The following RALYL variants were observed in gnomAD, a reference collection of about 807,000 sequenced individuals.
RALYL encodes RALY RNA binding protein like, also known as RNA-binding Raly-like protein.
RALYL carries 29 observed loss-of-function variants against 35.1 expected under a neutral mutation model. The ratio of observed to expected loss-of-function variants is 0.83; its 90% CI spans 0.61 to 1.13. The LOEUF (loss-of-function observed/expected upper bound fraction) is 1.13. Among genes scored for constraint, RALYL ranks in the 50% most tolerant of loss-of-function variants. The pLI is 0.00. For missense variants in RALYL, 359 were observed against 360.4 expected, an observed-to-expected ratio of 1.00 and a Z score of 0.03; for synonymous variants, 120 against 127.6, an observed-to-expected ratio of 0.94 and a Z score of 0.40.
intron 2 of RALYL, among the ~76,000 whole-genome samples, chr8:84,577,344 C>T (rs1218828350): frequency 2.0e-5 from 3 of 152,180 alleles, no homozygotes; most frequent in Non-Finnish European, 4.4e-5. Context: ...AGCTCTGTAG[C>T]AGCGTGGCAG....
intron 1 of RALYL, among the ~76,000 whole-genome samples, chr8:84,298,135 C>G (rs2132320543): frequency 6.6e-6 from 1 of 151,816 alleles, no homozygotes; most frequent in East Asian, 1.9e-4. Context: ...GTGGTATTTC[C>G]TAGTTTTCTT....
Position 84,477,208 on chromosome 8 carries a change from CT to C in RALYL, c.-23-52090del, listed in dbSNP as rs558177648. 6.6e-5 allele frequency among the ~76,000 whole-genome samples: 10 copies of C among 152,202 alleles called. No individual in the cohort carries two copies. In the South Asian group the frequency reaches 2.1e-3, roughly 32 times the overall value. On this transcript the variant is annotated intron_variant, in intron 1 of 8. Coordinates refer to ENST00000521268, the MANE Select transcript of RALYL (RefSeq NM_173848.7). ...AGCTGTATTCATCATTTTGACTTAA[CT>C]AGCAGATAGCCCTAATTCTTTACAA...
At chr8:84,206,116 G>A (rs574293902) in intron 1 of RALYL, among the ~76,000 whole-genome samples, 23 of 152,264 alleles carry the variant, frequency 1.5e-4, no homozygotes, top group African/African-American at 5.5e-4. Flanking sequence ...GACATATTCT[G>A]GAGTACTGAG....
chr8:84,441,179 T>C (rs550843169), intron 1 of RALYL, among the ~76,000 whole-genome samples: 1 of 152,262 alleles, frequency 6.6e-6, no homozygotes, highest in East Asian at 1.9e-4. Context: ...AATTTGTACA[T>C]TTTCTTTTAA....
chr8:84,747,130 G>A (rs979519026), intron 2 of RALYL, among the ~76,000 whole-genome samples: 2 of 151,820 alleles, frequency 1.3e-5, no homozygotes, highest in African/African-American at 4.8e-5. Flanking sequence ...TGAAGAATAA[G>A]TTGAAGAATC....
At chr8:84,770,980 T>C (rs1815338803) in intron 2 of RALYL, among the ~76,000 whole-genome samples, 1 of 152,320 alleles carries the variant, frequency 6.6e-6, no homozygotes, top group East Asian at 1.9e-4. Context: ...TGTGAAGATT[T>C]TCTCCCACTC....
intron 2 of RALYL, among the ~76,000 whole-genome samples, chr8:84,649,756 T>C (rs1484704669): frequency 1.9e-4 from 29 of 152,106 alleles, no homozygotes; most frequent in South Asian, 6.2e-4. Flanking sequence ...ATTGACTTGG[T>C]GATGTGGGCT....
At chr8:84,338,258 T>C (rs756719565) in intron 1 of RALYL, among the ~76,000 whole-genome samples, 2 of 151,996 alleles carry the variant, frequency 1.3e-5, no homozygotes, top group Non-Finnish European at 2.9e-5. Flanking sequence ...GAGATGAATG[T>C]TAGTCACAGA....
chr8:84,638,456 G>C (rs1395460733), intron 2 of RALYL, among the ~76,000 whole-genome samples: 1 of 151,504 alleles, frequency 6.6e-6, no homozygotes, highest in Non-Finnish European at 1.5e-5. Flanking sequence ...AAATAACCAA[G>C]ATCAGAGAAG....
chr8:84,216,231 A>T (rs1820776919), intron 1 of RALYL, among the ~76,000 whole-genome samples: 1 of 152,044 alleles, frequency 6.6e-6, no homozygotes, highest in South Asian at 2.1e-4. Context: ...TACATTTCAA[A>T]TGTTTTGCAA....
intron 1 of RALYL, among the ~76,000 whole-genome samples, chr8:84,425,598 A>C (rs2046314978): frequency 6.6e-6 from 1 of 152,080 alleles, no homozygotes; most frequent in Non-Finnish European, 1.5e-5. Context: ...ATGAACTCTT[A>C]TACAGCCACT....
chr8:84,722,308 A>C (rs1844074322), intron 2 of RALYL, among the ~76,000 whole-genome samples: 1 of 152,020 alleles, frequency 6.6e-6, no homozygotes. Flanking sequence ...AATTGTTAAA[A>C]GAGCAATGAG....
At chr8:84,201,219 A>T (rs188126321) in intron 1 of RALYL, among the ~76,000 whole-genome samples, 1 of 147,260 alleles carries the variant, frequency 6.8e-6, no homozygotes, top group Non-Finnish European at 1.5e-5. Context: ...ATAGAAAGAA[A>T]TACTTCAAAT....
Position 84,184,751 on chromosome 8 carries a change from C to A in RALYL, c.-24+327C>A, listed in dbSNP as rs753121762. On this transcript the variant is annotated intron_variant, in intron 1 of 8. Transcript: ENST00000521268. ...CGCCGGCCGGGCACTAGGCGGCCGG[C>A]GGGCCCTGTAAGTTCTCCGAGGGCC... 4.0e-4 allele frequency: 165 copies of A among 414,232 alleles called. 1 individual carries two copies. The highest frequency in any genetic ancestry group is 6.5e-4 in the Non-Finnish European group (153 of 236,298). The allele number at this position is 414,232 out of a possible 1,614,324, so 25.7% of individuals were successfully genotyped here. A position where few individuals can be genotyped will look rare whatever the true frequency, so the allele number is the denominator to read the frequency against.
intron 2 of RALYL, among the ~76,000 whole-genome samples, chr8:84,665,085 A>C (rs758454898): frequency 6.6e-6 from 1 of 152,062 alleles, no homozygotes; most frequent in Non-Finnish European, 1.5e-5. Context: ...TGAGATAATC[A>C]TGTTGTTTTT....
At chr8:84,674,439 C>A (rs1833825761) in intron 2 of RALYL, among the ~76,000 whole-genome samples, 1 of 152,064 alleles carries the variant, frequency 6.6e-6, no homozygotes, top group African/African-American at 2.4e-5. Flanking sequence ...AGAGGGCATC[C>A]TTGTCTGGTG....
At chr8:84,917,779 ATTAT>A (rs1267354009) in intron 8 of RALYL, among the ~76,000 whole-genome samples, 1 of 151,874 alleles carries the variant, frequency 6.6e-6, no homozygotes, top group African/African-American at 2.4e-5. Flanking sequence ...TTTTGATATG[ATTAT>A]TTGAGCCTAA....
intron 2 of RALYL, among the ~76,000 whole-genome samples, chr8:84,610,485 C>T (rs1818070937): frequency 6.6e-6 from 1 of 152,050 alleles, no homozygotes. Context: ...TGATTTATAA[C>T]TGTTGGTGCT....
intron 2 of RALYL, among the ~76,000 whole-genome samples, chr8:84,661,496 C>T (rs553838250): frequency 6.6e-6 from 1 of 150,906 alleles, no homozygotes; most frequent in African/African-American, 2.4e-5. Flanking sequence ...TATCTCCATT[C>T]TTTTTGATTG....
Sources: gnomAD v4.1 joint callset for allele counts (sites outside exome capture counted in the v4.1 genomes callset) on GRCh38, gnomAD v4.1.1 for gene constraint, MANE v1.5 for transcripts, NCBI Gene and HGNC (gene_info 2026-07-23, HGNC 2026-07-21) for gene names.